FDFT1: variants seen among roughly 807,000 people sequenced by gnomAD.
FDFT1 encodes the protein squalene synthase.
Under a neutral mutation model 46.8 loss-of-function variants are expected in FDFT1, and 68 were observed. That is an observed-to-expected ratio of 1.45 (90% confidence interval 1.19 to 1.78). The LOEUF is 1.78. FDFT1 is among the 40% of genes most tolerant of loss of function. The pLI, the probability that FDFT1 is intolerant of heterozygous loss-of-function variation, is 0.00. For synonymous variants in FDFT1, 351 were observed against 185.1 expected, an observed-to-expected ratio of 1.90 and a Z score of -7.28; for missense variants, 928 against 524.4, an observed-to-expected ratio of 1.77 and a Z score of -7.52.
rs1810574660 is a variant in FDFT1, at chr8:11,830,173, C to T, written c.703-71C>T. The T allele has an allele frequency of 2.4e-6, 3 of 1,228,248 alleles. No homozygotes were observed. In the East Asian group the frequency reaches 7.0e-5, roughly 29 times the overall value. 76.1% of individuals were successfully genotyped at this position (1,228,248 alleles called of 1,614,324 possible). ...TATCATAGTTCTTATGCACAAAGAC[C>T]CTTTAATATTGTTTGTAAATTCTCC... On this transcript the variant is annotated intron_variant, in intron 5 of 7. Coordinates refer to ENST00000220584, the MANE Select transcript of FDFT1 (RefSeq NM_004462.5).
chr8:11,802,754 C>T lies in FDFT1; in HGVS notation c.-79C>T, dbSNP rs1806289661. 4.3e-6 allele frequency: 5 copies of T among 1,154,292 alleles called. No individual in the cohort carries two copies. Among genetic ancestry groups the T allele is most frequent in the Admixed American group, 2.0e-5 (1 of 50,494 alleles). 71.5% of individuals were successfully genotyped at this position (1,154,292 alleles called of 1,614,324 possible). A position where few individuals can be genotyped will look rare whatever the true frequency, so the allele number is the denominator to read the frequency against. On this transcript the variant is annotated 5_prime_UTR_variant, in exon 1 of 8. Transcript: ENST00000220584. ...GGCCAGCCCCTCGAAGCACCTACTC[C>T]ACAGGTCCAGCCGGCCGGTGAGCGC...
At chr8:11,811,295 C>T (rs1235880762) in intron 3 of FDFT1, among the ~76,000 whole-genome samples, 2 of 152,204 alleles carry the variant, frequency 1.3e-5, no homozygotes, top group African/African-American at 2.4e-5. Flanking sequence ...TAGTAATACC[C>T]CATTTATAAT....
chr8:11,801,742 G>C, upstream of FDFT1: 1 of 333,632 alleles, frequency 3.0e-6, no homozygotes. Flanking sequence ...TGGCCTGGCT[G>C]GAGTGCAGCG....
chr8:11,808,285 G>A (rs962547846), intron 1 of FDFT1: 3 of 1,222,900 alleles, frequency 2.5e-6, no homozygotes, highest in South Asian at 4.2e-5. Flanking sequence ...GCTCGGAAGT[G>A]CGCTGGGTTC....
At chr8:11,829,568 A>T (rs754113400) in intron 5 of FDFT1, among the ~76,000 whole-genome samples, 23 of 152,222 alleles carry the variant, frequency 1.5e-4, no homozygotes, top group Admixed American at 1.2e-3. Context: ...CTGCAGTACA[A>T]TTATAACTGT....
intron 5 of FDFT1, among the ~76,000 whole-genome samples, chr8:11,829,030 A>G (rs1335136735): frequency 6.6e-6 from 1 of 152,064 alleles, no homozygotes; most frequent in Non-Finnish European, 1.5e-5. Context: ...TGAGAAGTGG[A>G]ATTGCTGGTT....
In FDFT1 at chr8:11,838,620, G is replaced by C. The variant is rs767645435; in HGVS notation, c.*11G>C. 1.9e-6 allele frequency: 3 copies of C among 1,592,102 alleles called. No homozygotes were observed. Among genetic ancestry groups the C allele is most frequent in the Non-Finnish European group, 2.6e-6 (3 of 1,159,954 alleles). ...ACTGGAGAACACTGATCCCAAATTTGTCCATAGCTGAAGTCCACCATAAAG... is the reference window on the plus strand; with the variant it reads ...ACTGGAGAACACTGATCCCAAATTTCTCCATAGCTGAAGTCCACCATAAAG... On this transcript the variant is annotated 3_prime_UTR_variant, in exon 8 of 8. Coordinates refer to ENST00000220584, the MANE Select transcript of FDFT1 (RefSeq NM_004462.5).
At chr8:11,806,102 T>C (rs1432671449) in intron 1 of FDFT1, among the ~76,000 whole-genome samples, 1 of 152,184 alleles carries the variant, frequency 6.6e-6, no homozygotes, top group Non-Finnish European at 1.5e-5. Flanking sequence ...TGGTAGCTGT[T>C]CACTTGTGGA....
chr8:11,804,113 G>A (rs1295825045), intron 1 of FDFT1, among the ~76,000 whole-genome samples: 1 of 152,246 alleles, frequency 6.6e-6, no homozygotes. Context: ...CAAGCTAGGT[G>A]AAGACCTTGA....
At chr8:11,822,643 G>A (rs1020611849) in intron 4 of FDFT1, among the ~76,000 whole-genome samples, 4 of 152,002 alleles carry the variant, frequency 2.6e-5, no homozygotes, top group African/African-American at 4.8e-5. Context: ...GCGAGACCCC[G>A]TCTTTCAAAA....
upstream of FDFT1, among the ~76,000 whole-genome samples, chr8:11,800,291 AAG>A (rs1303634680): frequency 2.4e-3 from 239 of 101,180 alleles, 10 homozygotes; most frequent in African/African-American, 6.0e-3. Context: ...AAAAAAAAAA[AAG>A]GCGCTTGAAC....
chr8:11,815,386 G>A (rs566004453), intron 3 of FDFT1, among the ~76,000 whole-genome samples: 2 of 152,318 alleles, frequency 1.3e-5, no homozygotes, highest in Admixed American at 1.3e-4. Context: ...TATATGCCCA[G>A]TAATGGGATT....
At position 11,838,503 on chromosome 8, in the gene FDFT1, C is replaced by T. The variant is rs1203733813; in HGVS notation, c.1148C>T (p.Ser383Phe). The T allele has an allele frequency of 1.2e-6, 2 of 1,606,768 alleles. No homozygotes were observed. The highest frequency in any genetic ancestry group is 2.2e-5 in the East Asian group (1 of 44,772). ...CAGCTGATTTCCCGAAGCCACTACT[C>T]CCCCATCTACCTGTCGTTTGTCATG... ...NCQLISRSHY[S>F]PIYLSFVMLL... The change falls in exon 8 of 8, where the codon TCC (serine) becomes TTC (phenylalanine). Residue 383 changes from serine (S) to phenylalanine (F), a missense_variant. Physicochemically the swap from Ser to Phe is radical, Grantham distance 155. Transcript: ENST00000220584.
chr8:11,816,830 T>A (rs368570932), intron 3 of FDFT1, among the ~76,000 whole-genome samples: 3 of 152,334 alleles, frequency 2.0e-5, no homozygotes, highest in East Asian at 3.9e-4. Flanking sequence ...CAATTTTACT[T>A]CCTCTTTTCC....
intron 2 of FDFT1, chr8:11,809,301 C>T (rs766086224): frequency 2.2e-5 from 24 of 1,086,318 alleles, no homozygotes; most frequent in South Asian, 6.6e-5. Flanking sequence ...TATGTATGAT[C>T]GTATTTATAC....
intron 3 of FDFT1, among the ~76,000 whole-genome samples, chr8:11,813,716 G>T (rs1808048423): frequency 6.6e-6 from 1 of 152,152 alleles, no homozygotes; most frequent in South Asian, 2.1e-4. Flanking sequence ...AACTCGCTCT[G>T]GGACCTTCCT....
At position 11,803,993 on chromosome 8, in the gene FDFT1, T is replaced by A. The variant is rs184974686; in HGVS notation, c.99+1062T>A. 4.7e-3 allele frequency among the ~76,000 whole-genome samples: 711 copies of A among 152,396 alleles called. 3 individuals carry two copies. The highest frequency in any genetic ancestry group is 8.4e-3 in the Non-Finnish European group (569 of 68,042). On this transcript the variant is annotated intron_variant, in intron 1 of 7. Coordinates refer to ENST00000220584, the MANE Select transcript of FDFT1 (RefSeq NM_004462.5). ...ACAGAATAACTTCTATTATTTGATA[T>A]GGCAGATGTCACTTTTTATATTTAG...
At chr8:11,811,089 G>C (rs551572331) in intron 3 of FDFT1, among the ~76,000 whole-genome samples, 1 of 152,286 alleles carries the variant, frequency 6.6e-6, no homozygotes, top group East Asian at 1.9e-4. Context: ...AATAATTCGA[G>C]TTTATACAGT....
chr8:11,821,754 C>A lies in FDFT1; in HGVS notation c.386C>A (p.Ser129Tyr), dbSNP rs369421349. The A allele has an allele frequency of 9.3e-6, 15 of 1,613,074 alleles. No individual in the cohort carries two copies. The highest frequency in any genetic ancestry group is 1.3e-5 in the Non-Finnish European group (15 of 1,179,302). Residue 129 changes from serine to tyrosine, a missense_variant, in exon 4 of 8, where the codon TCC becomes TAC. By Grantham distance (144) the Ser-to-Tyr change is moderately radical. Coordinates refer to ENST00000220584, the MANE Select transcript of FDFT1 (RefSeq NM_004462.5). ...RQVLEDFPTISLEFRNLAEKY... is the reference protein window; with the variant it reads ...RQVLEDFPTIYLEFRNLAEKY... ...TTTTTACGGTTTCCATTTCAGATCT[C>A]CCTTGAGTTTAGAAATCTGGCTGAG...
Sources: gnomAD v4.1 joint callset for allele counts (sites outside exome capture counted in the v4.1 genomes callset) on GRCh38, gnomAD v4.1.1 for gene constraint, MANE v1.5 for transcripts, NCBI Gene and HGNC (gene_info 2026-07-23, HGNC 2026-07-21) for gene names.